MAP4: variants seen among roughly 807,000 people sequenced by gnomAD.
The protein encoded by MAP4 is microtubule associated protein 4.
In MAP4, 76 loss-of-function variants were observed where a neutral mutation model predicts 170.2. That is an observed-to-expected ratio of 0.45 (90% CI 0.37 to 0.54). MAP4 has a LOEUF of 0.54. Among genes scored for constraint, MAP4 ranks in the 20% least tolerant of loss-of-function variants. The pLI is 0.00. For missense variants in MAP4, 2,506 were observed against 2,748.0 expected (o/e 0.91, Z 1.97); for synonymous variants, 909 against 994.5 (o/e 0.91, Z 1.62).
intron 3 of MAP4, chr3:47,973,026 T>C: frequency 1.0e-6 from 1 of 985,252 alleles, no homozygotes. Flanking sequence ...ACCCAACTTG[T>C]GTTTTAGTAA....
At chr3:48,086,549 G>C (rs993337829) in intron 1 of MAP4, among the ~76,000 whole-genome samples, 2 of 152,130 alleles carry the variant, frequency 1.3e-5, no homozygotes, top group Admixed American at 6.5e-5. Flanking sequence ...TGTGGCAGGA[G>C]AACTGCTTGA....
At chr3:48,074,217 C>A (rs2100142479) in intron 1 of MAP4, among the ~76,000 whole-genome samples, 1 of 148,014 alleles carries the variant, frequency 6.8e-6, no homozygotes, top group African/African-American at 2.5e-5. Flanking sequence ...GACAGAAAAC[C>A]AAACACCGCA....
intron 19 of MAP4, 112 bp from the exon 20 acceptor site, chr3:47,853,464 A>C (rs2048323669): frequency 2.5e-6 from 2 of 791,662 alleles, no homozygotes; most frequent in Admixed American, 2.9e-5. Flanking sequence ...CCTGGCACCC[A>C]CTGGCTCAAG....
At chr3:48,003,747 G>A (rs2100100611) in intron 1 of MAP4, among the ~76,000 whole-genome samples, 1 of 152,146 alleles carries the variant, frequency 6.6e-6, no homozygotes, top group African/African-American at 2.4e-5. Flanking sequence ...CATTGATCCT[G>A]GGTGTGTCTG....
At chr3:48,000,282 A>G (rs1243433365) in intron 1 of MAP4, among the ~76,000 whole-genome samples, 4 of 151,352 alleles carry the variant, frequency 2.6e-5, no homozygotes, top group African/African-American at 7.3e-5. Context: ...GGCACCATTC[A>G]AATGCAGGGC....
At chr3:47,892,230 G>C (rs1169573240) in intron 10 of MAP4, 1 of 1,536,280 alleles carries the variant, frequency 6.5e-7, no homozygotes, top group East Asian at 2.4e-5. Context: ...TCAATGCTCA[G>C]CTCTTTGTCT....
chr3:47,980,131 C>T (rs2100084633), intron 2 of MAP4, among the ~76,000 whole-genome samples: 1 of 152,084 alleles, frequency 6.6e-6, no homozygotes. Context: ...CTGCGCCTGG[C>T]CTTGTTTTGT....
At chr3:48,040,176 G>C (rs2100120891) in intron 1 of MAP4, among the ~76,000 whole-genome samples, 1 of 152,290 alleles carries the variant, frequency 6.6e-6, no homozygotes, top group African/African-American at 2.4e-5. Flanking sequence ...GCCTTCATAA[G>C]AACATTCTAC....
chr3:47,857,394 C>T, intron 18 of MAP4, 37 bp downstream of exon 18: 7 of 1,569,164 alleles, frequency 4.5e-6, no homozygotes, highest in Non-Finnish European at 5.3e-6. Context: ...GGACGACATA[C>T]CCTGGAGACC....
intron 1 of MAP4, among the ~76,000 whole-genome samples, chr3:48,056,849 G>A (rs1284510814): frequency 9.2e-6 from 1 of 108,416 alleles, no homozygotes; most frequent in Non-Finnish European, 1.9e-5. Flanking sequence ...GTGGGGGGGG[G>A]GTCAGCCCCC....
chr3:48,025,903 A>AAATAATAAT (rs10645414), intron 1 of MAP4, among the ~76,000 whole-genome samples: 16,945 of 140,098 alleles, frequency 0.12, 1,079 homozygotes, highest in Non-Finnish European at 0.13. Context: ...TCTGCCTCAA[A>AAATAATAAT]AATAATAATA....
chr3:47,978,278 C>A (rs1164347182), intron 2 of MAP4, among the ~76,000 whole-genome samples: 2 of 152,190 alleles, frequency 1.3e-5, no homozygotes, highest in Admixed American at 6.5e-5. Flanking sequence ...CAATTCAAAT[C>A]CAAATCAAAC....
At chr3:47,919,143 G>A (rs56321066) in intron 5 of MAP4, among the ~76,000 whole-genome samples, 1,811 of 151,904 alleles carry the variant, frequency 0.012, 22 homozygotes, top group Non-Finnish European at 0.019. Flanking sequence ...ATGTTAGCCC[G>A]GATAGTCTCG....
chr3:47,931,656 ATT>A (rs35456237), intron 3 of MAP4, among the ~76,000 whole-genome samples: 10 of 131,370 alleles, frequency 7.6e-5, no homozygotes, highest in East Asian at 2.3e-4. Context: ...TTTAAACAAA[ATT>A]TTTTTTTTTT....
At chr3:47,912,936 A>G (rs923412181) in intron 8 of MAP4, among the ~76,000 whole-genome samples, 5 of 152,178 alleles carry the variant, frequency 3.3e-5, no homozygotes, top group African/African-American at 1.2e-4. Context: ...TCTGGGAACT[A>G]GATCAGAAGG....
chr3:48,084,890 C>G (rs900246028), intron 1 of MAP4, among the ~76,000 whole-genome samples: 1 of 151,862 alleles, frequency 6.6e-6, no homozygotes, highest in Non-Finnish European at 1.5e-5. Context: ...CAATCCTCCG[C>G]CTCAGGCTCC....
intron 3 of MAP4, among the ~76,000 whole-genome samples, chr3:47,955,435 TAC>T (rs3079351): frequency 0.39 from 52,612 of 134,852 alleles, 10,240 homozygotes; most frequent in Non-Finnish European, 0.45. Flanking sequence ...AATAAGCACG[TAC>T]ACACACACAC....
intron 1 of MAP4, among the ~76,000 whole-genome samples, chr3:48,058,691 T>G (rs1322773280): frequency 1.3e-5 from 2 of 152,266 alleles, no homozygotes; most frequent in East Asian, 3.8e-4. Flanking sequence ...ATTGTTGCTT[T>G]GGTTTGTTGG....
chr3:47,887,441 C>T (rs572026544), intron 10 of MAP4, among the ~76,000 whole-genome samples: 12 of 152,360 alleles, frequency 7.9e-5, no homozygotes, highest in East Asian at 1.9e-4. Flanking sequence ...GCTGCTTTCC[C>T]GCGGGGCAGG....
Sources: gnomAD v4.1 joint callset for allele counts (sites outside exome capture counted in the v4.1 genomes callset) on GRCh38, gnomAD v4.1.1 for gene constraint, MANE v1.5 for transcripts, NCBI Gene and HGNC (gene_info 2026-07-23, HGNC 2026-07-21) for gene names.